GXYLT1: variants seen among roughly 807,000 people sequenced by gnomAD.
The protein encoded by GXYLT1 is glucoside xylosyltransferase 1.
A neutral mutation model predicts 54.0 loss-of-function variants in GXYLT1; 29 were observed. The observed-to-expected ratio is 0.54, with a 90% CI of 0.40 to 0.73. The LOEUF (loss-of-function observed/expected upper bound fraction) is 0.73, where lower values mean the gene tolerates loss of function less well. Among genes scored for constraint, GXYLT1 ranks in the 30% least tolerant of loss-of-function variants. The pLI, the probability that GXYLT1 is intolerant of heterozygous loss-of-function variation, is 0.00. For missense variants in GXYLT1, 490 were observed against 553.4 expected (o/e 0.89, Z 1.15); for synonymous variants, 176 against 204.1 (o/e 0.86, Z 1.17).
chr12:42,102,618 T>TA (rs1214608236), intron 5 of GXYLT1, among the ~76,000 whole-genome samples: 1 of 152,006 alleles, frequency 6.6e-6, no homozygotes, highest in Admixed American at 6.5e-5. Flanking sequence ...CAAAATAATA[T>TA]ATAGAAAGCT....
At chr12:42,097,231 TTTAAG>T (rs1206700392) in intron 7 of GXYLT1, among the ~76,000 whole-genome samples, 2 of 151,854 alleles carry the variant, frequency 1.3e-5, no homozygotes, top group Admixed American at 6.6e-5. Context: ...TACAATCAAA[TTTAAG>T]TTGAGTTTTC....
chr12:42,085,295 T>A lies in GXYLT1; in HGVS notation c.*2491A>T, dbSNP rs1017075775. The stretch of plus-strand genomic sequence containing the variant: ...GAAGAACCTTCCAACTGATCCACAA[T>A]GTAGTGTGTGTGACAGTGTAAATAA... On this transcript the variant is annotated 3_prime_UTR_variant, in exon 8 of 8. Coordinates refer to ENST00000398675, the MANE Select transcript of GXYLT1 (RefSeq NM_173601.2). 2.0e-5 allele frequency: 3 copies of A among 152,246 alleles called. No individual in the cohort carries two copies. In the South Asian group the frequency reaches 6.2e-4, roughly 32 times the overall value. The allele number at this position is 152,246 out of a possible 1,614,324, so 9.4% of individuals were successfully genotyped here.
chr12:42,093,795 C>G (rs2065341255), intron 7 of GXYLT1, among the ~76,000 whole-genome samples: 1 of 152,078 alleles, frequency 6.6e-6, no homozygotes, highest in Non-Finnish European at 1.5e-5. Flanking sequence ...ACCTTGGCCT[C>G]CCAAAGTGCT....
Position 42,086,752 on chromosome 12 carries a change from T to A in GXYLT1, c.*1034A>T, listed in dbSNP as rs980615625. The A allele has an allele frequency of 3.3e-5, 5 of 152,314 alleles. No homozygotes were observed. The highest frequency in any genetic ancestry group is 3.3e-4 in the Admixed American group (5 of 15,302). The allele number at this position is 152,314 out of a possible 1,614,324, so 9.4% of individuals were successfully genotyped here. On this transcript the variant is annotated 3_prime_UTR_variant, in exon 8 of 8. Coordinates refer to ENST00000398675, the MANE Select transcript of GXYLT1 (RefSeq NM_173601.2). ...CATCCACTTAAGTTGTTTAACTTAC[T>A]TAAAGTAAGGCTCTAGACATTTGCT...
chr12:42,102,974 A>T (rs1045079823), intron 5 of GXYLT1, among the ~76,000 whole-genome samples: 4 of 151,570 alleles, frequency 2.6e-5, no homozygotes, highest in African/African-American at 9.7e-5. Flanking sequence ...TTTGAGACAG[A>T]GTCTCACTCA....
chr12:42,122,253 A>T (rs2065535557), intron 2 of GXYLT1, among the ~76,000 whole-genome samples: 1 of 152,212 alleles, frequency 6.6e-6, no homozygotes, highest in African/African-American at 2.4e-5. Context: ...TAACCTGAGT[A>T]TGAAAAGTAT....
Position 42,087,809 on chromosome 12 carries a change from C to T in GXYLT1, c.1300G>A (p.Ala434Thr), listed in dbSNP as rs1442836533. The change falls in exon 8 of 8, where the codon GCC becomes ACC. Residue 434 changes from alanine to threonine, a missense_variant. By Grantham distance (58) the Ala-to-Thr change is moderately conservative. Coordinates refer to ENST00000398675, the MANE Select transcript of GXYLT1 (RefSeq NM_173601.2). ...AATCACTTTTCCTTTGGTGATCTGG[C>T]ATAACGATCTCTTACACTTTTTGCT... ...QLAKSVRDRYARSPKEK is the reference protein window; with the variant it reads ...QLAKSVRDRYTRSPKEK The T allele has an allele frequency of 1.2e-6, 2 of 1,604,830 alleles. No homozygotes were observed. Among genetic ancestry groups the T allele is most frequent in the Non-Finnish European group, 8.5e-7 (1 of 1,176,862 alleles).
chr12:42,111,394 G>A (rs1372756292), intron 3 of GXYLT1, among the ~76,000 whole-genome samples: 5 of 152,360 alleles, frequency 3.3e-5, no homozygotes, highest in Non-Finnish European at 7.3e-5. Context: ...AGAAAGGGGT[G>A]ACAGACAGCA....
chr12:42,126,255 G>T (rs113046545), intron 2 of GXYLT1, among the ~76,000 whole-genome samples: 21,622 of 151,872 alleles, frequency 0.14, 1,667 homozygotes, highest in Non-Finnish European at 0.18. Context: ...TGTATTTTTA[G>T]TTGAGACGGG....
chr12:42,114,403 A>C (rs1368933786), intron 3 of GXYLT1, among the ~76,000 whole-genome samples: 2 of 152,224 alleles, frequency 1.3e-5, no homozygotes, highest in African/African-American at 4.8e-5. Flanking sequence ...AAAGAAGAAA[A>C]GAGAGAAGAA....
chr12:42,131,839 T>TC (rs149752070), intron 1 of GXYLT1, among the ~76,000 whole-genome samples: 47 of 152,296 alleles, frequency 3.1e-4, no homozygotes, highest in African/African-American at 1.1e-3. Flanking sequence ...CCATTTAGAC[T>TC]CACTAGAAAC....
At chr12:42,133,824 G>A (rs1565581055) in intron 1 of GXYLT1, among the ~76,000 whole-genome samples, 1 of 152,152 alleles carries the variant, frequency 6.6e-6, no homozygotes, top group Non-Finnish European at 1.5e-5. Context: ...ATACTGCAAG[G>A]TGAGAGACCT....
intron 1 of GXYLT1, among the ~76,000 whole-genome samples, chr12:42,139,692 A>C (rs2065640683): frequency 6.6e-6 from 1 of 152,228 alleles, no homozygotes; most frequent in African/African-American, 2.4e-5. Flanking sequence ...AGAAACCAAG[A>C]TAACCCTTCA....
Position 42,086,948 on chromosome 12 carries a change from T to C in GXYLT1, c.*838A>G, listed in dbSNP as rs2065297281. On this transcript the variant is annotated 3_prime_UTR_variant, in exon 8 of 8. Transcript: ENST00000398675. ...GAGTATACTCTTAAGGTTCTCACTT[T>C]ACCATCAGCATAATATATTTTGCTT... is the stretch of plus-strand genomic sequence containing the variant. 6.6e-6 allele frequency: 1 copy of C among 152,160 alleles called. No individual in the cohort carries two copies. The highest frequency in any genetic ancestry group is 2.1e-4 in the South Asian group (1 of 4,826). The allele number at this position is 152,160 out of a possible 1,614,324, so 9.4% of individuals were successfully genotyped here.
At chr12:42,088,349 G>A (rs2065309623) in intron 7 of GXYLT1, among the ~76,000 whole-genome samples, 1 of 151,994 alleles carries the variant, frequency 6.6e-6, no homozygotes, top group African/African-American at 2.4e-5. Context: ...AGGCTGGAAT[G>A]GAAGGAAATG....
At chr12:42,114,587 T>A (rs191971472) in intron 3 of GXYLT1, among the ~76,000 whole-genome samples, 2 of 152,030 alleles carry the variant, frequency 1.3e-5, no homozygotes, top group Non-Finnish European at 2.9e-5. Context: ...CAGGAAGAAG[T>A]TGAATCTCTG....
chr12:42,098,760 C>CATATATATTTATATATATATAT (rs1555139379), intron 5 of GXYLT1, among the ~76,000 whole-genome samples: 1 of 96,918 alleles, frequency 1.0e-5, no homozygotes, highest in Non-Finnish European at 2.0e-5. Flanking sequence ...AAATTTAAAA[C>CATATATATTTATATATATATAT]ATATATATAT....
intron 2 of GXYLT1, among the ~76,000 whole-genome samples, chr12:42,125,889 T>C (rs1477670644): frequency 2.0e-5 from 3 of 151,818 alleles, no homozygotes; most frequent in Non-Finnish European, 4.4e-5. Context: ...TATTTGGCTA[T>C]GGTGGCATGC....
rs963493558 is a variant in GXYLT1 at position 42,119,269 on chromosome 12, T to C, written c.315-98A>G. The C allele has an allele frequency of 4.1e-6, 4 of 968,766 alleles. No homozygotes were observed. The African/African-American group carries it at 6.5e-5, about 16-fold the overall frequency. The allele number at this position is 968,766 out of a possible 1,614,324, so 60.0% of individuals were successfully genotyped here. On this transcript the variant is annotated intron_variant, in intron 2 of 7. Transcript: ENST00000398675. The stretch of plus-strand genomic sequence containing the variant: ...AAAAGTGAAGCTCAAAGCCAGATGT[T>C]GTGACTCATGCCTGCAGTCCCAGCT...
Sources: allele counts gnomAD v4.1 joint callset (sites outside exome capture counted in the v4.1 genomes callset), GRCh38; gene constraint gnomAD v4.1.1; transcripts MANE v1.5; gene names NCBI Gene and HGNC (gene_info 2026-07-23, HGNC 2026-07-21).